Variants in CCDC57 observed in about 807,000 individuals in gnomAD.
CCDC57 encodes the protein coiled-coil domain-containing protein 57.
CCDC57 carries 118 observed loss-of-function variants against 118.9 expected under a neutral mutation model. That is an observed-to-expected ratio of 0.99 (90% confidence interval 0.86 to 1.16). The LOEUF (loss-of-function observed/expected upper bound fraction) is 1.16. CCDC57 is among the 50% of genes most tolerant of loss of function. CCDC57 has a pLI of 0.00. For synonymous variants in CCDC57, 527 were observed against 532.9 expected (o/e 0.99, Z 0.15); for missense variants, 1,300 against 1,320.7 (o/e 0.98, Z 0.24).
intron 19 of CCDC57, among the ~76,000 whole-genome samples, chr17:82,121,099 G>C (rs539208103): frequency 4.6e-5 from 7 of 152,270 alleles, no homozygotes; most frequent in African/African-American, 1.7e-4. Context: ...AGAAATACCA[G>C]CCGTTGCCAG....
At chr17:82,201,807 C>A (rs376303728) in exon 3 of CCDC57, 3 of 1,613,570 alleles carry the variant, frequency 1.9e-6, no homozygotes, top group South Asian at 1.1e-5. Flanking sequence ...GTTTCCCCTG[C>A]GCCTCCTCCA....
chr17:82,141,708 C>A (rs780213096), intron 16 of CCDC57, among the ~76,000 whole-genome samples: 6 of 152,176 alleles, frequency 3.9e-5, no homozygotes, highest in Non-Finnish European at 8.8e-5. Context: ...TTCATGCAGA[C>A]GTGTGAGCTG....
At chr17:82,171,937 G>C in intron 12 of CCDC57, 84 bp from the exon 12 acceptor site, 1 of 1,467,740 alleles carries the variant, frequency 6.8e-7, no homozygotes, top group South Asian at 1.2e-5. Context: ...TCAGGGAGCC[G>C]ATGCCAGCTC....
chr17:82,184,000 C>A, intron 8 of CCDC57, 68 bp from the exon 8 acceptor site: 1 of 1,389,084 alleles, frequency 7.2e-7, no homozygotes, highest in Non-Finnish European at 1.0e-6. Context: ...ACACAGCACC[C>A]CCCAGCAAAT....
chr17:82,209,296 G>A (rs1348019879), intron 1 of CCDC57, among the ~76,000 whole-genome samples: 1 of 152,136 alleles, frequency 6.6e-6, no homozygotes, highest in Non-Finnish European at 1.5e-5. Context: ...AGTTGAAGTC[G>A]AAGTCTTGTA....
At chr17:82,164,104 G>A (rs549826438) in intron 13 of CCDC57, among the ~76,000 whole-genome samples, 3 of 152,140 alleles carry the variant, frequency 2.0e-5, no homozygotes, top group East Asian at 1.9e-4. Flanking sequence ...GGCCAGGCAC[G>A]GTGGCTCACG....
intron 17 of CCDC57, among the ~76,000 whole-genome samples, chr17:82,132,118 CAAAAAAAAA>C (rs58856013): frequency 2.0e-5 from 2 of 101,924 alleles, no homozygotes. Context: ...GACTCTGTCT[CAAAAAAAAA>C]AAAAAAAAAA....
intron 19 of CCDC57, among the ~76,000 whole-genome samples, chr17:82,114,766 C>T (rs7224881): frequency 0.016 from 2,377 of 152,358 alleles, 68 homozygotes; most frequent in African/African-American, 0.055. Context: ...AAACATGACT[C>T]TTAGCTGGAG....
Position 82,179,188 on chromosome 17 carries a change from AC to A in CCDC57, c.1212del (p.Arg404SerfsTer45), listed in dbSNP as rs1334871233. The A allele has an allele frequency of 2.5e-6, 4 of 1,612,666 alleles. No individual in the cohort carries two copies. In the Admixed American group the frequency reaches 6.7e-5, roughly 27 times the overall value. On this transcript the variant is annotated frameshift_variant and splice_region_variant, in exon 10 of 20. Coordinates refer to ENST00000665763, the Ensembl canonical transcript of CCDC57. LOFTEE classifies it high-confidence loss of function. ...ACTGCCAGGGACAGCTGTTGCTTGT[AC>A]CTAAGGACACGTCCAACCGCTCAGC...
intron 8 of CCDC57, 107 bp from the exon 8 acceptor site, chr17:82,184,039 A>G (rs559965330): frequency 0.025 from 10,293 of 405,018 alleles, 156 homozygotes; most frequent in African/African-American, 0.036. Flanking sequence ...GCGCACACAC[A>G]CACACACACA....
At chr17:82,121,083 A>G (rs1044182898) in intron 19 of CCDC57, among the ~76,000 whole-genome samples, 6 of 152,096 alleles carry the variant, frequency 3.9e-5, no homozygotes, top group Non-Finnish European at 5.9e-5. Flanking sequence ...TGCAACACCG[A>G]TGCTAAGAAA....
At chr17:82,119,263 A>AT (rs1286308140) in intron 19 of CCDC57, among the ~76,000 whole-genome samples, 1 of 151,942 alleles carries the variant, frequency 6.6e-6, no homozygotes, top group Non-Finnish European at 1.5e-5. Context: ...AGCCTCAAAC[A>AT]TTTTTTTGGA....
Position 82,182,035 on chromosome 17 carries a change from T to C in CCDC57, c.1211+1739A>G, listed in dbSNP as rs190986804. Among the ~76,000 whole-genome samples, 680 of 152,166 alleles carry C rather than the reference T, an allele frequency of 4.5e-3. 5 individuals are homozygous for C. Among genetic ancestry groups the C allele is most frequent in the African/African-American group, 0.016 (645 of 41,520 alleles). On this transcript the variant is annotated intron_variant, in intron 9 of 19. Transcript: ENST00000665763. ...CTAGAGGCTGACACAGGAGAACTGC[T>C]TGTACCCAGGAGGTGGAGGTTGTAG...
chr17:82,163,511 G>C (rs1386160141), intron 13 of CCDC57, 154 bp from the exon 13 acceptor site: 7 of 758,266 alleles, frequency 9.2e-6, no homozygotes, highest in Non-Finnish European at 1.5e-5. Context: ...GGAGTCAGCA[G>C]ATCTGGTCCA....
At chr17:82,113,339 C>A in intron 19 of CCDC57, 1 of 707,602 alleles carries the variant, frequency 1.4e-6, no homozygotes, top group Non-Finnish European at 2.6e-6. Context: ...GCTGTGCATC[C>A]AGCCTCATAA....
chr17:82,118,790 G>T lies in CCDC57; in HGVS notation c.2899+8902C>A, dbSNP rs975210699. Among the ~76,000 whole-genome samples, 7 of 152,082 alleles carry T rather than the reference G, an allele frequency of 4.6e-5. No homozygotes were observed. The highest frequency in any genetic ancestry group is 1.7e-4 in the African/African-American group (7 of 41,470). Reference sequence around the variant, plus strand: ...CTGCTGAAGAATATCTTTCCAGTTTGATGATTTTTCAGGTAAAAACACTAC... The same window carrying T: ...CTGCTGAAGAATATCTTTCCAGTTTTATGATTTTTCAGGTAAAAACACTAC... On this transcript the variant is annotated intron_variant, in intron 19 of 19. Coordinates refer to ENST00000665763, the Ensembl canonical transcript of CCDC57. The surrounding 1 kb of genome is among the most constrained non-coding windows in gnomAD (Gnocchi z 4.7).
In CCDC57 at chr17:82,101,641, G is replaced by A. The variant is rs1244537303; in HGVS notation, c.*41C>T. Reference sequence around the variant, plus strand: ...GTGAAAGCACAGGCACCATGCGGAGGCCCCGAGCACCCCTTAGTGGGGCGG... The same window carrying A: ...GTGAAAGCACAGGCACCATGCGGAGACCCCGAGCACCCCTTAGTGGGGCGG... On this transcript the variant is annotated 3_prime_UTR_variant, in exon 20 of 20. Transcript: ENST00000665763. The A allele has an allele frequency of 2.7e-6, 4 of 1,493,422 alleles. No individual in the cohort carries two copies. In the African/African-American group the frequency reaches 5.7e-5, roughly 21 times the overall value. The allele number at this position is 1,493,422 out of a possible 1,614,324, so 92.5% of individuals were successfully genotyped here.
At chr17:82,190,661 C>A (rs1171713822) in intron 7 of CCDC57, among the ~76,000 whole-genome samples, 4 of 146,960 alleles carry the variant, frequency 2.7e-5, no homozygotes, top group Non-Finnish European at 5.9e-5. Context: ...CACCACTGCA[C>A]CATCTGCCTG....
At chr17:82,116,408 C>T (rs923704776) in intron 19 of CCDC57, among the ~76,000 whole-genome samples, 2 of 152,130 alleles carry the variant, frequency 1.3e-5, no homozygotes, top group Non-Finnish European at 1.5e-5. Context: ...CAGGGGCGGC[C>T]CACTGAGCCC....
Sources: allele counts gnomAD v4.1 joint callset (sites outside exome capture counted in the v4.1 genomes callset), GRCh38; gene constraint gnomAD v4.1.1; non-coding constraint Gnocchi (gnomAD v3.1); transcripts MANE v1.5; gene names NCBI Gene and HGNC (gene_info 2026-07-23, HGNC 2026-07-21).